AGRN: variants seen among roughly 807,000 people sequenced by gnomAD.
AGRN encodes agrin proteoglycan.
A neutral mutation model predicts 211.0 loss-of-function variants in AGRN; 106 were observed. The ratio of observed to expected loss-of-function variants is 0.50; its 90% CI spans 0.43 to 0.59. AGRN has a LOEUF of 0.59. Among genes scored for constraint, AGRN ranks in the 20% least tolerant of loss-of-function variants. The probability of loss-of-function intolerance (pLI) is 0.00; values close to 1 mark genes in which losing one functional copy is unlikely to be tolerated. For missense variants in AGRN, 3,040 were observed against 2,982.6 expected (o/e 1.02, Z -0.45); for synonymous variants, 1,525 against 1,332.5 (o/e 1.14, Z -3.15).
rs763121838 is a variant in AGRN, at chr1:1,022,440, G to A, written c.441G>A (p.Glu147=). The A allele has an allele frequency of 1.1e-5, 18 of 1,611,782 alleles. No homozygotes were observed. The highest frequency in any genetic ancestry group is 8.9e-5 in the East Asian group (4 of 44,866). ...SLMRITLRNL[E]EVEFCVEDKP... is the part of the protein sequence containing the mutation. ...TGCGGATCACCCTGCGGAACCTGGAGGAGGTGGAGTTCTGTGTGGAAGGTG... is the reference window on the plus strand; with the variant it reads ...TGCGGATCACCCTGCGGAACCTGGAAGAGGTGGAGTTCTGTGTGGAAGGTG... The change falls in exon 2 of 36, where the codon GAG becomes GAA. Residue 147 remains glutamate (E), a synonymous_variant. Coordinates refer to ENST00000379370, the MANE Select transcript of AGRN (RefSeq NM_198576.4).
At chr1:1,042,738 C>CG (rs1644979256) in intron 7 of AGRN, among the ~76,000 whole-genome samples, 5 of 152,198 alleles carry the variant, frequency 3.3e-5, no homozygotes, top group Admixed American at 3.3e-4. Flanking sequence ...TCCAGGAGCC[C>CG]GCAGCCCGAG....
intron 7 of AGRN, 110 bp from the exon 8 acceptor site, chr1:1,043,129 C>A: frequency 1.6e-6 from 2 of 1,250,212 alleles, no homozygotes; most frequent in South Asian, 1.3e-5. Context: ...TGTGTTCTCT[C>A]TTCCTCCACC....
chr1:1,037,960 T>C (rs1644839871), intron 3 of AGRN, among the ~76,000 whole-genome samples: 1 of 152,082 alleles, frequency 6.6e-6, no homozygotes, highest in Admixed American at 6.5e-5. Flanking sequence ...CTGTGGAGAC[T>C]CAGCACAGTG....
Position 1,050,642 on chromosome 1 carries a change from G to GGGGCAC in AGRN, c.5141+52_5141+57dup, listed in dbSNP as rs764218086. The GGGGCAC allele has an allele frequency of 1.9e-6, 3 of 1,603,480 alleles. No individual in the cohort carries two copies. In the South Asian group the frequency reaches 3.3e-5, roughly 18 times the overall value. ...AGGCCTGGGGCACTGGCCCGGGGCC[G>GGGGCAC]GGGCACCAGCAGGTCGCTCAGGCCC... On this transcript the variant is annotated intron_variant, in intron 29 of 35. Transcript: ENST00000379370.
chr1:1,046,896 G>A lies in AGRN; in HGVS notation c.3327G>A (p.Ala1109=), dbSNP rs370487662. 56 of 1,583,868 alleles carry A rather than the reference G, an allele frequency of 3.5e-5. No individual in the cohort carries two copies. The African/African-American group carries it at 4.0e-4, about 11-fold the overall frequency. The change falls in exon 19 of 36, where the codon GCG becomes GCA. Residue 1109 remains alanine (A), a synonymous_variant. Transcript: ENST00000379370. ...AGAGGGCTTCCTGCTACAACTCCGC[G>A]TTGGGCTGCTGCTCTGATGGGAAGA... ...PVERASCYNS[A]LGCCSDGKTP...
intron 7 of AGRN, 116 bp downstream of exon 7, chr1:1,042,278 C>T (rs896705813): frequency 6.9e-6 from 9 of 1,305,770 alleles, no homozygotes; most frequent in African/African-American, 2.9e-5. Context: ...GGGAGTGGGC[C>T]GGTCCCTCTG....
chr1:1,041,938 C>T lies in AGRN; in HGVS notation c.1178-18C>T, dbSNP rs1644953940. On this transcript the variant is annotated intron_variant, in intron 6 of 35. Transcript: ENST00000379370. ...GGTGCTCCAGCCTCTCCGTGACTCC[C>T]TCACCCCTGCGTCCTAGACCAGTGC... The T allele has an allele frequency of 6.2e-7, 1 of 1,610,728 alleles. No homozygotes were observed. Among genetic ancestry groups the T allele is most frequent in the African/African-American group, 1.3e-5 (1 of 74,852 alleles).
rs556372116 is a variant in AGRN at position 1,039,558 on chromosome 1, C to G, written c.512-1107C>G. ...GCTGCAGCCGCTAACGGACCCTTCC[C>G]TGATCCTGGGTGGGCCATGCTGGGG... On this transcript the variant is annotated intron_variant, in intron 3 of 35. Transcript: ENST00000379370. Among the ~76,000 whole-genome samples, 223 of 151,574 alleles carry G rather than the reference C, an allele frequency of 1.5e-3. 1 individual carries two copies. Among genetic ancestry groups the G allele is most frequent in the Non-Finnish European group, 2.8e-3 (193 of 67,868 alleles).
In AGRN at chr1:1,048,836, T is replaced by C. The variant is rs1570236449; in HGVS notation, c.4106-31T>C. 2 of 1,517,290 alleles carry C rather than the reference T, an allele frequency of 1.3e-6. No homozygotes were observed. The highest frequency in any genetic ancestry group is 1.8e-6 in the Non-Finnish European group (2 of 1,134,540). 94.0% of individuals were successfully genotyped at this position (1,517,290 alleles called of 1,614,324 possible). A position where few individuals can be genotyped will look rare whatever the true frequency, so the allele number is the denominator to read the frequency against. On this transcript the variant is annotated intron_variant, in intron 23 of 35. Transcript: ENST00000379370. This position sits in a 1 kb window ranked among gnomAD's most constrained non-coding sequence, Gnocchi z 5.9. ...AAAAGTGGGGAATCCTCGGAGCTTT[T>C]CCAGCCGGCCCTCCCGGTCGCCCTT...
chr1:1,051,884 A>G, intron 33 of AGRN, 69 bp downstream of exon 33: 1 of 1,591,878 alleles, frequency 6.3e-7, no homozygotes, highest in Non-Finnish European at 8.6e-7. Flanking sequence ...GGACCCCCAC[A>G]CCAGGAGGGC....
rs746435538 is a variant in AGRN at position 1,047,839 on chromosome 1, G to A, written c.3695G>A (p.Arg1232His). ...CTCCGGCAGATCCAGGTGTCCAGGC[G>A]CCGGTCCTTGGGGGTGAGGCGGCCG... ...ALLRQIQVSR[R>H]RSLGVRRPLQ... The change falls in exon 22 of 36, where the codon CGC becomes CAC. Residue 1232 changes from arginine (R) to histidine (H), a missense_variant. By Grantham distance (29) the Arg-to-His change is conservative. Around this residue, in one of 3 missense-constraint regions of AGRN, gnomAD observed 1,537 missense variants for 1,505.0 expected, o/e 1.02. Transcript: ENST00000379370. 19 of 1,605,218 alleles carry A rather than the reference G, an allele frequency of 1.2e-5. No homozygotes were observed. Among genetic ancestry groups the A allele is most frequent in the East Asian group, 4.5e-5 (2 of 44,538 alleles).
intron 9 of AGRN, 34 bp downstream of exon 9, chr1:1,043,766 TC>T (rs756275426): frequency 1.9e-6 from 3 of 1,603,926 alleles, no homozygotes; most frequent in Non-Finnish European, 1.7e-6. Context: ...CGGGCCAGGG[TC>T]CTGTGCCTCC....
Position 1,053,864 on chromosome 1 carries a change from G to A in AGRN, c.5763G>A (p.Leu1921=), listed in dbSNP as rs776957376. ...KATERADYVA[L]AIVDGHLQLS... is the part of the protein sequence containing the mutation. ...CGGAGCGGGCAGACTATGTGGCACTGGCCATTGTGGACGGGCACCTGCAAC... is the reference window on the plus strand; with the variant it reads ...CGGAGCGGGCAGACTATGTGGCACTAGCCATTGTGGACGGGCACCTGCAAC... The change falls in exon 34 of 36, where the codon CTG becomes CTA. Residue 1921 remains leucine, a synonymous_variant. Transcript: ENST00000379370. 3 of 1,610,342 alleles carry A rather than the reference G, an allele frequency of 1.9e-6. No homozygotes were observed. The highest frequency in any genetic ancestry group is 4.5e-5 in the East Asian group (2 of 44,820).
intron 1 of AGRN, among the ~76,000 whole-genome samples, chr1:1,020,806 C>T (rs1422470419): frequency 2.6e-5 from 4 of 151,428 alleles, no homozygotes; most frequent in Non-Finnish European, 5.9e-5. Context: ...ACAGCCTGAG[C>T]TCCCAACCCC....
intron 1 of AGRN, among the ~76,000 whole-genome samples, chr1:1,021,560 G>A (rs930866404): frequency 1.3e-5 from 2 of 152,368 alleles, no homozygotes; most frequent in Admixed American, 1.3e-4. Flanking sequence ...GCGTGAGTGC[G>A]TGGGTCCCTG....
Position 1,051,747 on chromosome 1 carries a change from G to T in AGRN, c.5583G>T (p.Ala1861=). Residue 1861 remains alanine, a synonymous_variant, in exon 33 of 36, where the codon GCG becomes GCT. Coordinates refer to ENST00000379370, the MANE Select transcript of AGRN (RefSeq NM_198576.4). ...TCACAGGGCTGGTGGAGAAGTCAGCGGGGGACGTGGATACCTTGGCCTTTG... is the reference window on the plus strand; with the variant it reads ...TCACAGGGCTGGTGGAGAAGTCAGCTGGGGACGTGGATACCTTGGCCTTTG... The part of the protein sequence containing the change: ...HCEKGLVEKS[A]GDVDTLAFDG... 6 of 1,613,866 alleles carry T rather than the reference G, an allele frequency of 3.7e-6. No individual in the cohort carries two copies. Among genetic ancestry groups the T allele is most frequent in the Non-Finnish European group, 5.1e-6 (6 of 1,179,986 alleles).
In AGRN at chr1:1,043,603, T is replaced by C. The variant is rs1172852413; in HGVS notation, c.1669T>C (p.Ser557Pro). The C allele has an allele frequency of 1.2e-6, 2 of 1,604,848 alleles. No homozygotes were observed. The highest frequency in any genetic ancestry group is 1.7e-6 in the Non-Finnish European group (2 of 1,179,754). Residue 557 changes from serine (S) to proline (P), a missense_variant, in exon 9 of 36, where the codon TCT (serine) becomes CCT (proline). Physicochemically the swap from Ser to Pro is moderately conservative, Grantham distance 74. This residue lies in a region of AGRN where 1,498 missense variants were observed against 1,457.8 expected (regional missense o/e 1.03). Transcript: ENST00000379370. The stretch of plus-strand genomic sequence containing the variant: ...CGAGACCGGGCGCTGCGTGTGCCCC[T>C]CTGAATGCGTGGCTTTGGCCCAGCC... ...EAETGRCVCPSECVALAQPVC... is the reference protein window; with the variant it reads ...EAETGRCVCPPECVALAQPVC...
Position 1,046,146 on chromosome 1 carries a change from G to C in AGRN, c.2806-14G>C. On this transcript the variant is annotated splice_polypyrimidine_tract_variant and intron_variant, in intron 16 of 35. Coordinates refer to ENST00000379370, the MANE Select transcript of AGRN (RefSeq NM_198576.4). ...AGGAGGCCTCGCCTTGAACATCCTT[G>C]TTCTCTGCCCCAGGTCTGTGGGTCA... 6.2e-7 allele frequency: 1 copy of C among 1,613,934 alleles called. No homozygotes were observed. Among genetic ancestry groups the C allele is most frequent in the East Asian group, 2.2e-5 (1 of 44,878 alleles).
intron 19 of AGRN, 166 bp downstream of exon 19, chr1:1,047,123 T>C (rs1570227508): frequency 7.2e-7 from 1 of 1,381,030 alleles, no homozygotes; most frequent in East Asian, 2.5e-5. Context: ...TCTCTCTCGT[T>C]GCAAGCCGGT....
Sources: gnomAD v4.1 joint callset for allele counts (sites outside exome capture counted in the v4.1 genomes callset) on GRCh38, gnomAD v4.1.1 for gene constraint, gnomAD v4.1.1 regional missense constraint, Gnocchi (gnomAD v3.1) non-coding constraint, MANE v1.5 for transcripts, NCBI Gene and HGNC (gene_info 2026-07-23, HGNC 2026-07-21) for gene names.